NRG3: variants seen among roughly 807,000 people sequenced by gnomAD.
NRG3 encodes the protein neuregulin 3, also known as pro-neuregulin-3, membrane-bound isoform.
A neutral mutation model predicts 66.9 loss-of-function variants in NRG3; 31 were observed. The observed-to-expected ratio is 0.46, with a 90% confidence interval of 0.35 to 0.63. The LOEUF (loss-of-function observed/expected upper bound fraction) is 0.63, where lower values mean the gene tolerates loss of function less well. Ranked by LOEUF, NRG3 falls within the 20% of genes least tolerant of loss-of-function variation. The probability of loss-of-function intolerance (pLI) is 0.00; values close to 1 mark genes in which losing one functional copy is unlikely to be tolerated. For synonymous variants in NRG3, 393 were observed against 359.4 expected, an observed-to-expected ratio of 1.09 and a Z score of -1.06; for missense variants, 910 against 878.9, an observed-to-expected ratio of 1.04 and a Z score of -0.45.
intron 2 of NRG3, among the ~76,000 whole-genome samples, chr10:82,408,085 C>CAGAAAGAAAGAAAGAAAGAAAGAA (rs71009807): frequency 4.0e-5 from 3 of 74,860 alleles, no homozygotes; most frequent in African/African-American, 6.1e-5. Flanking sequence ...GAGAGAGAGA[C>CAGAAAGAAAGAAAGAAAGAAAGAA]AGAAAGAAAG....
chr10:82,299,272 A>C (rs933066178), intron 1 of NRG3, among the ~76,000 whole-genome samples: 4 of 152,228 alleles, frequency 2.6e-5, no homozygotes, highest in Admixed American at 6.5e-5. Context: ...TGTTCTAAGC[A>C]CTTAACACAT....
chr10:82,020,200 G>A (rs539119863), intron 1 of NRG3, among the ~76,000 whole-genome samples: 64 of 152,240 alleles, frequency 4.2e-4, no homozygotes, highest in African/African-American at 1.4e-3. Flanking sequence ...TTATCTTACT[G>A]TGTCAATCAG....
chr10:82,640,260 A>C (rs549985641), intron 2 of NRG3, among the ~76,000 whole-genome samples: 1 of 152,330 alleles, frequency 6.6e-6, no homozygotes, highest in South Asian at 2.1e-4. Flanking sequence ...GCATCAACCC[A>C]AATGTTTGAT....
chr10:82,611,203 G>A (rs959922639), intron 2 of NRG3, among the ~76,000 whole-genome samples: 1 of 151,820 alleles, frequency 6.6e-6, no homozygotes, highest in African/African-American at 2.4e-5. Context: ...AGATTGCAAT[G>A]AGTTTTCATC....
intron 1 of NRG3, among the ~76,000 whole-genome samples, chr10:82,168,870 A>G (rs1016614182): frequency 4.6e-5 from 7 of 152,074 alleles, no homozygotes; most frequent in East Asian, 3.9e-4. Context: ...GTTTCCATCA[A>G]TTTTTCTGAC....
At chr10:82,679,777 C>G (rs571868352) in intron 2 of NRG3, among the ~76,000 whole-genome samples, 1 of 152,094 alleles carries the variant, frequency 6.6e-6, no homozygotes, top group African/African-American at 2.4e-5. Flanking sequence ...AAAGCTAACT[C>G]ACACAAGGCT....
chr10:82,954,131 C>T (rs769128119), intron 5 of NRG3, among the ~76,000 whole-genome samples: 2 of 151,916 alleles, frequency 1.3e-5, no homozygotes, highest in African/African-American at 2.4e-5. Context: ...GTGGTAATCA[C>T]ACCCAGCAGG....
chr10:81,990,982 G>A (rs1404361388), intron 1 of NRG3, among the ~76,000 whole-genome samples: 1 of 152,122 alleles, frequency 6.6e-6, no homozygotes, highest in East Asian at 1.9e-4. Context: ...TAACTAGAAT[G>A]TGTGTGAGAA....
At chr10:81,890,989 G>A (rs1032505815) in intron 1 of NRG3, among the ~76,000 whole-genome samples, 4 of 152,130 alleles carry the variant, frequency 2.6e-5, no homozygotes, top group Non-Finnish European at 5.9e-5. Flanking sequence ...CCAGATATCA[G>A]CTACAAGGTA....
chr10:82,331,701 A>T (rs186793724), intron 1 of NRG3, among the ~76,000 whole-genome samples: 1 of 152,190 alleles, frequency 6.6e-6, no homozygotes, highest in Non-Finnish European at 1.5e-5. Flanking sequence ...TTTCCTTAAA[A>T]CCCATCTGGA....
At chr10:81,876,273 C>T (rs565953641) in intron 1 of NRG3, 110 bp downstream of exon 1, 4 of 1,414,026 alleles carry the variant, frequency 2.8e-6, no homozygotes, top group Non-Finnish European at 3.8e-6. Flanking sequence ...TCCCCCATCC[C>T]AGGTTTGGGG....
intron 3 of NRG3, among the ~76,000 whole-genome samples, chr10:82,748,389 A>G (rs1450550672): frequency 6.6e-6 from 1 of 151,448 alleles, no homozygotes; most frequent in Non-Finnish European, 1.5e-5. Flanking sequence ...TGAAAAGCAG[A>G]GCTATGAATA....
intron 2 of NRG3, among the ~76,000 whole-genome samples, chr10:82,647,316 C>T (rs1008828339): frequency 2.6e-5 from 4 of 152,074 alleles, no homozygotes; most frequent in African/African-American, 9.7e-5. Flanking sequence ...CATCCTTGTC[C>T]CTACAAAGGA....
chr10:82,161,524 C>T (rs754598793), intron 1 of NRG3, among the ~76,000 whole-genome samples: 9 of 151,980 alleles, frequency 5.9e-5, no homozygotes, highest in Non-Finnish European at 7.4e-5. Context: ...ATAGACATGC[C>T]GAGGTAGATA....
chr10:82,008,933 C>T (rs2061476344), intron 1 of NRG3, among the ~76,000 whole-genome samples: 1 of 151,976 alleles, frequency 6.6e-6, no homozygotes, highest in Admixed American at 6.6e-5. Flanking sequence ...AAAGCCAGGG[C>T]CTATATATGG....
chr10:81,895,523 A>C (rs1013156789), intron 1 of NRG3, among the ~76,000 whole-genome samples: 3 of 152,196 alleles, frequency 2.0e-5, no homozygotes, highest in African/African-American at 7.2e-5. Context: ...ATCTGATGCT[A>C]TTACCATCTT....
intron 1 of NRG3, among the ~76,000 whole-genome samples, chr10:81,968,020 G>A (rs17098815): frequency 0.026 from 3,982 of 152,280 alleles, 153 homozygotes; most frequent in East Asian, 0.19. Context: ...AAGCATTATT[G>A]CCTGGCAACA....
intron 2 of NRG3, among the ~76,000 whole-genome samples, chr10:82,379,917 A>G (rs1408744181): frequency 6.7e-6 from 1 of 150,100 alleles, no homozygotes; most frequent in East Asian, 1.9e-4. Flanking sequence ...ATCCAAAAAA[A>G]AAAAAAAAGA....
chr10:82,842,725 A>G (rs1425424877), intron 3 of NRG3, among the ~76,000 whole-genome samples: 4 of 151,946 alleles, frequency 2.6e-5, no homozygotes, highest in Non-Finnish European at 5.9e-5. Flanking sequence ...TTTATTTTTT[A>G]ATTATTTTCT....
Sources: gnomAD v4.1 joint callset for allele counts (sites outside exome capture counted in the v4.1 genomes callset) on GRCh38, gnomAD v4.1.1 for gene constraint, MANE v1.5 for transcripts, NCBI Gene and HGNC (gene_info 2026-07-23, HGNC 2026-07-21) for gene names.